Variants in HMCN1 observed in about 807,000 individuals in gnomAD.
The protein encoded by HMCN1 is hemicentin 1, also known as hemicentin-1.
A neutral mutation model predicts 625.9 loss-of-function variants in HMCN1; 321 were observed. The ratio of observed to expected loss-of-function variants is 0.51; its 90% CI spans 0.47 to 0.56. The LOEUF is 0.56. Among genes scored for constraint, HMCN1 ranks in the 20% least tolerant of loss-of-function variants. The pLI, the probability that HMCN1 is intolerant of heterozygous loss-of-function variation, is 0.00. For synonymous variants in HMCN1, 2,425 were observed against 2,417.6 expected, an observed-to-expected ratio of 1.00 and a Z score of -0.09; for missense variants, 6,588 against 6,887.3, an observed-to-expected ratio of 0.96 and a Z score of 1.54.
chr1:186,102,261 G>A (rs1239207251), intron 68 of HMCN1, among the ~76,000 whole-genome samples: 4 of 152,082 alleles, frequency 2.6e-5, no homozygotes, highest in African/African-American at 7.2e-5. Context: ...AGTAAAAAGA[G>A]GTCATGTGGG....
chr1:185,906,183 A>G lies in HMCN1; in HGVS notation c.622-3154A>G, dbSNP rs933255496. ...AAGCCAGAAACTGCACTTATGGTAC[A>G]TTCTGTAGCTTGCAGTGATCTACTT... On this transcript the variant is annotated intron_variant, in intron 4 of 106. Transcript: ENST00000271588. Among the ~76,000 whole-genome samples, 73 of 151,818 alleles carry G rather than the reference A, an allele frequency of 4.8e-4. 1 individual carries two copies. The highest frequency in any genetic ancestry group is 1.0e-4 in the Non-Finnish European group (7 of 67,796).
At chr1:186,152,122 C>A (rs1650713237) in intron 95 of HMCN1, among the ~76,000 whole-genome samples, 1 of 152,176 alleles carries the variant, frequency 6.6e-6, no homozygotes, top group South Asian at 2.1e-4. Flanking sequence ...TATAGCAGTT[C>A]TTTATGAAAA....
chr1:185,837,005 G>GGTGTGTGT (rs60299246), intron 1 of HMCN1, among the ~76,000 whole-genome samples: 49 of 142,974 alleles, frequency 3.4e-4, no homozygotes, highest in South Asian at 9.1e-4. Flanking sequence ...TATATTCCAT[G>GGTGTGTGT]GTGTGTGTGT....
chr1:185,913,686 C>T (rs555832520), intron 6 of HMCN1, among the ~76,000 whole-genome samples: 2 of 152,178 alleles, frequency 1.3e-5, no homozygotes, highest in Admixed American at 6.6e-5. Context: ...GGACTGGTAC[C>T]AGTGGTATTT....
In HMCN1 at chr1:186,083,625, A is replaced by G. The variant is rs184336575; in HGVS notation, c.8884+664A>G. 8.8e-4 allele frequency among the ~76,000 whole-genome samples: 134 copies of G among 152,084 alleles called. 1 individual carries two copies. Among genetic ancestry groups the G allele is most frequent in the East Asian group, 1.9e-3 (10 of 5,162 alleles). On this transcript the variant is annotated intron_variant, in intron 57 of 106. Transcript: ENST00000271588. ...ATAATCATTATAAAAGATCTCCTTT[A>G]CATACATAATACACACATAAAATTC...
intron 41 of HMCN1, among the ~76,000 whole-genome samples, chr1:186,046,578 G>A (rs1228713199): frequency 6.6e-6 from 1 of 152,068 alleles, no homozygotes; most frequent in African/African-American, 2.4e-5. Context: ...AATGCAATGA[G>A]TACTGTAAGT....
chr1:185,822,858 A>T (rs966544678), intron 1 of HMCN1, among the ~76,000 whole-genome samples: 17 of 142,768 alleles, frequency 1.2e-4, no homozygotes, highest in African/African-American at 4.8e-4. Context: ...ATAATACTTC[A>T]GATTCAGGAT....
At chr1:185,863,853 A>G (rs762824751) in intron 2 of HMCN1, among the ~76,000 whole-genome samples, 5 of 152,218 alleles carry the variant, frequency 3.3e-5, no homozygotes, top group Non-Finnish European at 7.3e-5. Context: ...AGTCAGGGAA[A>G]GTTTCTCTGG....
At chr1:185,936,165 T>TA in intron 11 of HMCN1, among the ~76,000 whole-genome samples, 1 of 152,214 alleles carries the variant, frequency 6.6e-6, no homozygotes, top group East Asian at 1.9e-4. Context: ...TTTTAAGAGT[T>TA]AAAAAATCTA....
intron 2 of HMCN1, among the ~76,000 whole-genome samples, chr1:185,849,491 G>A (rs368516351): frequency 1.8e-4 from 28 of 152,126 alleles, no homozygotes; most frequent in African/African-American, 6.0e-4. Context: ...TATAGAACAT[G>A]TTCACTTTTT....
intron 5 of HMCN1, among the ~76,000 whole-genome samples, chr1:185,909,780 TTAAA>T (rs1331029725): frequency 6.6e-6 from 1 of 152,128 alleles, no homozygotes; most frequent in Non-Finnish European, 1.5e-5. Context: ...ATAAAAATAT[TTAAA>T]TAAAACCTGA....
At chr1:185,983,898 C>G (rs1037817916) in intron 18 of HMCN1, among the ~76,000 whole-genome samples, 4 of 152,096 alleles carry the variant, frequency 2.6e-5, no homozygotes, top group African/African-American at 7.2e-5. Context: ...GAACATTAAA[C>G]AAGTGATGTC....
At chr1:186,164,240 CTTTTT>C (rs57317105) in intron 97 of HMCN1, among the ~76,000 whole-genome samples, 1 of 131,554 alleles carries the variant, frequency 7.6e-6, no homozygotes, top group Non-Finnish European at 1.6e-5. Context: ...TAACTTAAAT[CTTTTT>C]TTTTTTTTTT....
At chr1:186,161,908 C>G (rs542524745) in intron 97 of HMCN1, among the ~76,000 whole-genome samples, 22 of 152,224 alleles carry the variant, frequency 1.4e-4, no homozygotes, top group African/African-American at 4.6e-4. Flanking sequence ...TGGAGTTGCT[C>G]TTCTCAAGGA....
intron 99 of HMCN1, 103 bp downstream of exon 99, chr1:186,166,406 C>A (rs1272100558): frequency 1.1e-5 from 15 of 1,421,972 alleles, no homozygotes; most frequent in Non-Finnish European, 1.5e-5. Flanking sequence ...CTACTTCTGC[C>A]CACACCTTGG....
rs1013607097 is a variant in HMCN1, at chr1:186,030,584, G to A, written c.5750-7350G>A. The stretch of plus-strand genomic sequence containing the variant: ...CAATGTATTTGTCTTTGAATCTAAA[G>A]TGTGCTATTATAGGCAACATACAGT... On this transcript the variant is annotated intron_variant, in intron 36 of 106. Coordinates refer to ENST00000271588, the MANE Select transcript of HMCN1 (RefSeq NM_031935.3). Among the ~76,000 whole-genome samples the A allele has an allele frequency of 6.6e-5, 10 of 151,960 alleles. No homozygotes were observed. The East Asian group carries it at 1.2e-3, about 18-fold the overall frequency.
chr1:185,971,820 G>A lies in HMCN1; in HGVS notation c.2371+1327G>A, dbSNP rs377239933. 7.6e-4 allele frequency among the ~76,000 whole-genome samples: 116 copies of A among 152,196 alleles called. 1 individual carries two copies. The highest frequency in any genetic ancestry group is 5.8e-4 in the East Asian group (3 of 5,182). On this transcript the variant is annotated intron_variant, in intron 15 of 106. Transcript: ENST00000271588. ...ATTCTTGGTGATTATGCCCTTGGGG[G>A]AGAATCAACAAAGCTGGAAATGACC...
chr1:186,106,381 TACATA>T (rs1456936766), intron 69 of HMCN1, among the ~76,000 whole-genome samples: 4 of 152,214 alleles, frequency 2.6e-5, no homozygotes, highest in East Asian at 1.9e-4. Context: ...TTTCTCATAT[TACATA>T]ACATAACTGT....
chr1:186,142,209 T>C (rs1650013976), intron 89 of HMCN1, among the ~76,000 whole-genome samples: 1 of 152,190 alleles, frequency 6.6e-6, no homozygotes, highest in South Asian at 2.1e-4. Context: ...TTTCTGTCCA[T>C]GTGTTCTCAT....
Sources: allele counts gnomAD v4.1 joint callset (sites outside exome capture counted in the v4.1 genomes callset), GRCh38; gene constraint gnomAD v4.1.1; transcripts MANE v1.5; gene names NCBI Gene and HGNC (gene_info 2026-07-23, HGNC 2026-07-21).